Variants in ARID1A observed in about 807,000 individuals in gnomAD.
ARID1A encodes AT-rich interaction domain 1A.
A neutral mutation model predicts 212.6 loss-of-function variants in ARID1A; 20 were observed. The observed-to-expected ratio is 0.09, with a 90% CI of 0.07 to 0.14. The LOEUF is 0.14. Ranked by LOEUF, ARID1A falls within the 10% of genes least tolerant of loss-of-function variation. ARID1A has a pLI of 1.00. For synonymous variants in ARID1A, 1,376 were observed against 1,222.1 expected (o/e 1.13, Z -2.63); for missense variants, 2,587 against 3,059.0 (o/e 0.85, Z 3.64).
Position 26,697,544 on chromosome 1 carries a change from C to T in ARID1A, c.1137+4C>T, listed in dbSNP as rs1486725162. 14 of 1,367,494 alleles carry T rather than the reference C, an allele frequency of 1.0e-5. No individual in the cohort carries two copies. The highest frequency in any genetic ancestry group is 3.5e-5 in the South Asian group (2 of 56,794). 84.7% of individuals were successfully genotyped at this position (1,367,494 alleles called of 1,614,324 possible). ...GCCGCTCGCCCGGACCCCTCAGGTA[C>T]ACAGCTGAGTGGGGAGGGGGCTGGG... is the stretch of plus-strand genomic sequence containing the variant. On this transcript the variant is annotated splice_donor_region_variant and intron_variant, in intron 1 of 19. Transcript: ENST00000324856.
intron 1 of ARID1A, among the ~76,000 whole-genome samples, chr1:26,707,226 T>TTTTTTTG (rs2080401634): frequency 6.9e-6 from 1 of 145,510 alleles, no homozygotes; most frequent in Non-Finnish European, 1.5e-5. Flanking sequence ...TTTTTTTTTT[T>TTTTTTTG]GAGATGGAGT....
intron 1 of ARID1A, among the ~76,000 whole-genome samples, chr1:26,724,367 G>T (rs2080596722): frequency 1.3e-5 from 2 of 152,244 alleles, no homozygotes; most frequent in South Asian, 4.1e-4. Context: ...TTGCCGCCTG[G>T]TCACTTCTTT....
intron 1 of ARID1A, among the ~76,000 whole-genome samples, chr1:26,707,886 C>T (rs542025240): frequency 3.3e-5 from 5 of 152,120 alleles, no homozygotes; most frequent in African/African-American, 9.6e-5. Flanking sequence ...CAAGGTTTGT[C>T]TGACTCTTCA....
intron 4 of ARID1A, among the ~76,000 whole-genome samples, chr1:26,750,515 G>A (rs1364410277): frequency 1.3e-5 from 2 of 152,054 alleles, no homozygotes; most frequent in Non-Finnish European, 2.9e-5. Context: ...TTGGAGAGTG[G>A]GGTCCCTAAA....
chr1:26,735,207 C>A (rs894221279), intron 4 of ARID1A, among the ~76,000 whole-genome samples: 1 of 151,468 alleles, frequency 6.6e-6, no homozygotes, highest in Admixed American at 6.6e-5. Flanking sequence ...TTCACTGCAG[C>A]CTCCACCTCC....
At position 26,731,445 on chromosome 1, in the gene ARID1A, G is replaced by GC. The variant is rs1415146710; in HGVS notation, c.1650dup (p.Tyr551LeufsTer72). The GC allele has an allele frequency of 6.2e-7, 1 of 1,613,662 alleles. No individual in the cohort carries two copies. The highest frequency in any genetic ancestry group is 1.7e-5 in the Admixed American group (1 of 59,960). ...CGACACAGCAGCACCCCCAGAGCCA[G>GC]CCCCCCTACTCACAGCCACAGGCTC... On this transcript the variant is annotated frameshift_variant, in exon 3 of 20. Transcript: ENST00000324856. LOFTEE classifies it high-confidence loss of function.
intron 1 of ARID1A, among the ~76,000 whole-genome samples, chr1:26,717,215 G>A (rs1266789188): frequency 6.6e-6 from 1 of 152,136 alleles, no homozygotes; most frequent in Non-Finnish European, 1.5e-5. Context: ...TGACTTGTGT[G>A]TTCATGTTTT....
intron 1 of ARID1A, among the ~76,000 whole-genome samples, chr1:26,721,611 T>C (rs903824311): frequency 2.6e-5 from 4 of 152,218 alleles, no homozygotes; most frequent in Non-Finnish European, 4.4e-5. Context: ...TTAAGTTTAG[T>C]CTTAGGAAAA....
chr1:26,781,302 G>A lies in ARID1A; in HGVS notation c.*546G>A. The A allele has an allele frequency of 4.3e-6, 1 of 235,094 alleles. No homozygotes were observed. Among genetic ancestry groups the A allele is most frequent in the Non-Finnish European group, 8.4e-6 (1 of 119,116 alleles). 14.6% of individuals were successfully genotyped at this position (235,094 alleles called of 1,614,324 possible). ...TTGTGAACAGACCCTGTTCACTGGA[G>A]AGGCCTGTGCAGTAGAGTGTAGACC... On this transcript the variant is annotated 3_prime_UTR_variant, in exon 20 of 20. Coordinates refer to ENST00000324856, the MANE Select transcript of ARID1A (RefSeq NM_006015.6).
At chr1:26,770,843 G>A in intron 11 of ARID1A, 1 of 430,054 alleles carries the variant, frequency 2.3e-6, no homozygotes, top group Non-Finnish European at 4.1e-6. Flanking sequence ...TAAAAAACCG[G>A]ACTCTGAATT....
chr1:26,738,850 C>T (rs1375172063), intron 4 of ARID1A, among the ~76,000 whole-genome samples: 3 of 149,430 alleles, frequency 2.0e-5, no homozygotes, highest in African/African-American at 5.0e-5. Context: ...TCAGCCACTG[C>T]GCCCAGCTTC....
intron 2 of ARID1A, 57 bp from the exon 3 acceptor site, chr1:26,731,095 T>C: frequency 6.5e-7 from 1 of 1,537,312 alleles, no homozygotes. Context: ...CACAAAACAC[T>C]TCATCTTTCC....
At chr1:26,755,844 C>T (rs1258295126) in intron 4 of ARID1A, among the ~76,000 whole-genome samples, 4 of 151,440 alleles carry the variant, frequency 2.6e-5, no homozygotes, top group South Asian at 4.2e-4. Context: ...CCCGGGTTCA[C>T]GCCATTCTCC....
chr1:26,728,226 T>C (rs1024055694), intron 1 of ARID1A, among the ~76,000 whole-genome samples: 1 of 152,206 alleles, frequency 6.6e-6, no homozygotes, highest in African/African-American at 2.4e-5. Flanking sequence ...ATTTCAGATA[T>C]AGCCTAAGAA....
chr1:26,697,053 C>T lies in ARID1A; in HGVS notation c.650C>T (p.Pro217Leu), dbSNP rs2080272772. The T allele has an allele frequency of 6.5e-7, 1 of 1,531,272 alleles. No homozygotes were observed. Among genetic ancestry groups the T allele is most frequent in the African/African-American group, 1.4e-5 (1 of 69,496 alleles). The allele number at this position is 1,531,272 out of a possible 1,614,324, so 94.9% of individuals were successfully genotyped here. ...FPNHQYNSYY[P>L]NRSAYPPPAP... ...AACCACCAGTACAACTCCTACTACC[C>T]CAACCGCAGCGCCTACCCCCCGCCC... Residue 217 changes from proline to leucine, a missense_variant, in exon 1 of 20, where the codon CCC becomes CTC. Physicochemically the swap from Pro to Leu is moderately conservative, Grantham distance 98. Transcript: ENST00000324856.
At chr1:26,731,706 C>A in intron 3 of ARID1A, 102 bp downstream of exon 3, 1 of 1,257,828 alleles carries the variant, frequency 8.0e-7, no homozygotes, top group Non-Finnish European at 1.1e-6. Flanking sequence ...CTCTAACGTG[C>A]ACTTAAAGAC....
chr1:26,698,110 G>C (rs920278388), intron 1 of ARID1A, among the ~76,000 whole-genome samples: 9 of 152,238 alleles, frequency 5.9e-5, no homozygotes, highest in Non-Finnish European at 1.3e-4. Context: ...TCCTGTCTTA[G>C]GCTCCGCCGG....
intron 1 of ARID1A, among the ~76,000 whole-genome samples, chr1:26,713,652 T>C (rs996699093): frequency 2.0e-5 from 3 of 152,130 alleles, no homozygotes; most frequent in Non-Finnish European, 2.9e-5. Flanking sequence ...GCGCCCAGCC[T>C]GTGAAGATTT....
intron 1 of ARID1A, among the ~76,000 whole-genome samples, chr1:26,722,333 C>T (rs2080573060): frequency 6.6e-6 from 1 of 152,244 alleles, no homozygotes; most frequent in Non-Finnish European, 1.5e-5. Context: ...ACAACCTCTG[C>T]CTCCCAGGTT....
Sources: allele counts gnomAD v4.1 joint callset (sites outside exome capture counted in the v4.1 genomes callset), GRCh38; gene constraint gnomAD v4.1.1; transcripts MANE v1.5; gene names NCBI Gene and HGNC (gene_info 2026-07-23, HGNC 2026-07-21).